Variants in DPP10 observed in about 807,000 individuals in gnomAD.
The protein encoded by DPP10 is dipeptidyl peptidase like 10.
Under a neutral mutation model 120.9 loss-of-function variants are expected in DPP10, and 33 were observed. That is an observed-to-expected ratio of 0.27 (90% CI 0.21 to 0.37). The LOEUF is 0.37. DPP10 is among the 10% of genes least tolerant of loss of function. DPP10 has a pLI of 1.00. For missense variants in DPP10, 816 were observed against 942.8 expected (o/e 0.87, Z 1.76); for synonymous variants, 337 against 326.1 (o/e 1.03, Z -0.36).
chr2:115,379,994 C>T (rs370655668), intron 3 of DPP10, among the ~76,000 whole-genome samples: 5 of 152,008 alleles, frequency 3.3e-5, no homozygotes, highest in Non-Finnish European at 5.9e-5. Context: ...ATTTTGGAAT[C>T]GGTGTGGTGT....
At chr2:115,310,670 A>G (rs2061540514) in intron 2 of DPP10, among the ~76,000 whole-genome samples, 1 of 152,192 alleles carries the variant, frequency 6.6e-6, no homozygotes, top group African/African-American at 2.4e-5. Flanking sequence ...TCTGCAGTAC[A>G]ATGTCATTGA....
chr2:114,622,143 T>C (rs1694137893), intron 1 of DPP10, among the ~76,000 whole-genome samples: 1 of 152,048 alleles, frequency 6.6e-6, no homozygotes, highest in Admixed American at 6.6e-5. Context: ...CTAAATGAGA[T>C]GAACCCATCA....
intron 1 of DPP10, among the ~76,000 whole-genome samples, chr2:114,444,521 A>T (rs183353985): frequency 6.6e-6 from 1 of 152,050 alleles, no homozygotes; most frequent in African/African-American, 2.4e-5. Context: ...AGAGACTTCA[A>T]ATCACTTCCT....
chr2:114,727,863 G>A (rs1183584222), intron 1 of DPP10, among the ~76,000 whole-genome samples: 2 of 152,142 alleles, frequency 1.3e-5, no homozygotes, highest in Non-Finnish European at 2.9e-5. Context: ...CTTATTCAGT[G>A]TCTATTATCT....
chr2:114,757,071 AAAGGAAGGAGGAGAGGGAGTAAAGG>A (rs1679820396), intron 1 of DPP10, among the ~76,000 whole-genome samples: 1 of 150,542 alleles, frequency 6.6e-6, no homozygotes, highest in Admixed American at 6.6e-5. Context: ...AGAAATGAAG[AAAGGAAGGAGGAGAGGGAGTAAAGG>A]AAGGAAGGAG....
chr2:115,260,462 G>C (rs1156377337), intron 1 of DPP10, among the ~76,000 whole-genome samples: 2 of 152,134 alleles, frequency 1.3e-5, no homozygotes, highest in Non-Finnish European at 2.9e-5. Flanking sequence ...AGAAAGGCTT[G>C]GCGCAAGATA....
intron 1 of DPP10, among the ~76,000 whole-genome samples, chr2:115,242,006 T>TA (rs952305199): frequency 1.2e-4 from 19 of 152,174 alleles, no homozygotes; most frequent in African/African-American, 4.1e-4. Context: ...ACAGTTTTTT[T>TA]AAAAAAAATT....
rs917008835 is a variant in DPP10, at chr2:115,694,593, T to C, written c.576+4672T>C. ...AACCACTTTAGCTGTAATAAAGTTT[T>C]ATTGAATAGAAATGGTTTGGGAAGA... On this transcript the variant is annotated intron_variant, in intron 7 of 25. Coordinates refer to ENST00000410059, the MANE Select transcript of DPP10 (RefSeq NM_020868.6). Among the ~76,000 whole-genome samples the C allele has an allele frequency of 7.9e-5, 12 of 152,330 alleles. No homozygotes were observed. In the East Asian group the frequency reaches 1.7e-3, roughly 22 times the overall value.
chr2:114,749,983 A>G (rs1679051201), intron 1 of DPP10, among the ~76,000 whole-genome samples: 1 of 152,234 alleles, frequency 6.6e-6, no homozygotes. Flanking sequence ...AAACATGGGC[A>G]TAAAAATGTT....
chr2:114,775,044 T>C (rs897972830), intron 1 of DPP10, among the ~76,000 whole-genome samples: 2 of 152,008 alleles, frequency 1.3e-5, no homozygotes, highest in African/African-American at 4.8e-5. Flanking sequence ...GTGGCAGAGA[T>C]GGAATTTGAC....
chr2:114,611,614 T>C (rs1693295024), intron 1 of DPP10, among the ~76,000 whole-genome samples: 1 of 152,242 alleles, frequency 6.6e-6, no homozygotes, highest in South Asian at 2.1e-4. Flanking sequence ...TGCCAATGGA[T>C]ACATTTGAAA....
chr2:115,647,893 C>G (rs2087409981), intron 5 of DPP10, among the ~76,000 whole-genome samples: 1 of 152,164 alleles, frequency 6.6e-6, no homozygotes, highest in Admixed American at 6.6e-5. Context: ...GCATTGAAAA[C>G]ACATGAATTT....
intron 3 of DPP10, among the ~76,000 whole-genome samples, chr2:115,371,855 TTAAA>T (rs1475811642): frequency 6.6e-6 from 1 of 152,030 alleles, no homozygotes; most frequent in Non-Finnish European, 1.5e-5. Flanking sequence ...AGGAAATCAA[TTAAA>T]TAATTTGCTG....
intron 5 of DPP10, among the ~76,000 whole-genome samples, chr2:115,622,840 T>TG (rs60762636): frequency 0.21 from 30,578 of 144,004 alleles, 4,227 homozygotes; most frequent in East Asian, 0.48. Flanking sequence ...TTTTTTTTTT[T>TG]TTTTTTGTTT....
chr2:115,592,144 G>A (rs1026058007), intron 5 of DPP10, among the ~76,000 whole-genome samples: 1 of 152,134 alleles, frequency 6.6e-6, no homozygotes, highest in East Asian at 1.9e-4. Context: ...TATTTAATGT[G>A]TACACGTGAG....
At chr2:114,900,209 T>G (rs1409748792) in intron 1 of DPP10, among the ~76,000 whole-genome samples, 1 of 152,230 alleles carries the variant, frequency 6.6e-6, no homozygotes, top group Non-Finnish European at 1.5e-5. Context: ...ATTGGGTTCT[T>G]ACCAAAACAA....
chr2:115,119,271 T>C (rs1007344157), intron 1 of DPP10, among the ~76,000 whole-genome samples: 1 of 152,196 alleles, frequency 6.6e-6, no homozygotes, highest in Non-Finnish European at 1.5e-5. Flanking sequence ...TGCATCATTT[T>C]GTCTTTTACT....
At chr2:115,423,572 G>A (rs936514619) in intron 3 of DPP10, among the ~76,000 whole-genome samples, 1 of 152,062 alleles carries the variant, frequency 6.6e-6, no homozygotes, top group South Asian at 2.1e-4. Flanking sequence ...AAAAAGAACG[G>A]CTTTGCCTGG....
At chr2:115,189,937 A>G (rs146471779) in intron 1 of DPP10, among the ~76,000 whole-genome samples, 1 of 152,300 alleles carries the variant, frequency 6.6e-6, no homozygotes, top group African/African-American at 2.4e-5. Context: ...CTCCTTGGAC[A>G]GAGCAGTTAG....
Sources: gnomAD v4.1 joint callset for allele counts (sites outside exome capture counted in the v4.1 genomes callset) on GRCh38, gnomAD v4.1.1 for gene constraint, MANE v1.5 for transcripts, NCBI Gene and HGNC (gene_info 2026-07-23, HGNC 2026-07-21) for gene names.